The following KLF8 variants were observed in gnomAD, a reference collection of about 807,000 sequenced individuals.
KLF8 encodes the protein Krueppel-like factor 8.
In KLF8, 10 loss-of-function variants were observed where a neutral mutation model predicts 18.2. The ratio of observed to expected loss-of-function variants is 0.55; its 90% CI spans 0.34 to 0.93. The LOEUF (loss-of-function observed/expected upper bound fraction) is 0.93. Ranked by LOEUF, KLF8 falls within the 40% of genes least tolerant of loss-of-function variation. The probability of loss-of-function intolerance (pLI) is 0.02; values close to 1 mark genes in which losing one functional copy is unlikely to be tolerated. For missense variants in KLF8, 264 were observed against 277.9 expected, an observed-to-expected ratio of 0.95 and a Z score of 0.36; for synonymous variants, 109 against 97.3, an observed-to-expected ratio of 1.12 and a Z score of -0.71.
chrX:56,157,425 A>G, the KLF8 span, among the ~76,000 whole-genome samples: 1 of 111,121 alleles, frequency 9.0e-6, no homozygotes, highest in Non-Finnish European at 1.9e-5. Context: ...TGGCTGGGTC[A>G]AATAGTATTT....
chrX:56,051,664 G>C, the KLF8 span, among the ~76,000 whole-genome samples: 32 of 110,619 alleles, frequency 2.9e-4, no homozygotes, highest in Non-Finnish European at 4.7e-4. Flanking sequence ...GCTTCCCTTT[G>C]AGGGTAACCC....
At chrX:56,029,957 A>G in the KLF8 span, among the ~76,000 whole-genome samples, 1 of 112,120 alleles carries the variant, frequency 8.9e-6, no homozygotes, top group East Asian at 2.8e-4. Flanking sequence ...TAACTGCGAG[A>G]TATTCATTCC....
At chrX:56,184,109 C>G in the KLF8 span, among the ~76,000 whole-genome samples, 1 of 112,489 alleles carries the variant, frequency 8.9e-6, no homozygotes, top group South Asian at 3.7e-4. Flanking sequence ...AGGGAGTTCC[C>G]TTTCCTAGTC....
At chrX:56,213,703 ACAT>A in the KLF8 span, among the ~76,000 whole-genome samples, 1 of 111,226 alleles carries the variant, frequency 9.0e-6, no homozygotes, top group African/African-American at 3.3e-5. Flanking sequence ...TATTAAGACA[ACAT>A]CTGGTGGGGG....
At chrX:56,075,036 T>C in the KLF8 span, among the ~76,000 whole-genome samples, 51 of 111,077 alleles carry the variant, frequency 4.6e-4, no homozygotes, top group African/African-American at 1.6e-3. Context: ...ATGCAATGTA[T>C]AATAATCACA....
the KLF8 span, among the ~76,000 whole-genome samples, chrX:56,101,138 T>C: frequency 9.0e-6 from 1 of 111,301 alleles, no homozygotes; most frequent in African/African-American, 3.3e-5. Flanking sequence ...TTTCCTCTAG[T>C]AGTCTCCAGT....
the KLF8 span, among the ~76,000 whole-genome samples, chrX:55,918,684 A>G: frequency 9.1e-6 from 1 of 109,999 alleles, no homozygotes; most frequent in African/African-American, 3.3e-5. Context: ...TGGCAGTATA[A>G]CTCTAATTTC....
At chrX:56,151,503 T>G in the KLF8 span, among the ~76,000 whole-genome samples, 2 of 110,059 alleles carry the variant, frequency 1.8e-5, no homozygotes, top group East Asian at 5.8e-4. Context: ...TGGATAGGGG[T>G]GGTAGGAAGT....
chrX:56,039,553 A>C, the KLF8 span, among the ~76,000 whole-genome samples: 1 of 111,386 alleles, frequency 9.0e-6, no homozygotes, highest in African/African-American at 3.3e-5. Context: ...TATCTATTCT[A>C]TTCCAGAGTT....
chrX:56,162,469 C>T, the KLF8 span, among the ~76,000 whole-genome samples: 78 of 111,869 alleles, frequency 7.0e-4, 1 homozygote, highest in African/African-American at 2.4e-3. Flanking sequence ...TCGGCAATGC[C>T]GGGAACCCCT....
At chrX:55,989,028 C>G in the KLF8 span, among the ~76,000 whole-genome samples, 1 of 111,708 alleles carries the variant, frequency 9.0e-6, no homozygotes, top group South Asian at 3.7e-4. Flanking sequence ...TATAAGAATG[C>G]TTGTGATTTT....
At chrX:56,222,771 C>T in the KLF8 span, among the ~76,000 whole-genome samples, 3 of 113,296 alleles carry the variant, frequency 2.6e-5, no homozygotes, top group South Asian at 7.1e-4. Context: ...GGCGAGAAAT[C>T]GAGCACAGCA....
chrX:55,936,726 T>G, the KLF8 span, among the ~76,000 whole-genome samples: 1 of 112,064 alleles, frequency 8.9e-6, no homozygotes, highest in Non-Finnish European at 1.9e-5. Context: ...ACCAGGAGAT[T>G]ATATCCTGCA....
chrX:55,969,685 C>T, the KLF8 span, among the ~76,000 whole-genome samples: 1 of 110,933 alleles, frequency 9.0e-6, no homozygotes, highest in Non-Finnish European at 1.9e-5. Context: ...ACTGACAAAC[C>T]TCTAGCCAGA....
At chrX:56,196,773 C>T in the KLF8 span, among the ~76,000 whole-genome samples, 1 of 111,885 alleles carries the variant, frequency 8.9e-6, no homozygotes, top group Non-Finnish European at 1.9e-5. Context: ...GAACTCTCCA[C>T]CCCAAATCAA....
At chrX:55,997,096 C>G in the KLF8 span, among the ~76,000 whole-genome samples, 1 of 111,679 alleles carries the variant, frequency 9.0e-6, no homozygotes, top group Non-Finnish European at 1.9e-5. Flanking sequence ...GGTAAAGGAG[C>G]TATGGTGGTT....
the KLF8 span, among the ~76,000 whole-genome samples, chrX:55,928,471 G>A: frequency 1.8e-5 from 2 of 110,743 alleles, no homozygotes; most frequent in South Asian, 3.9e-4. Context: ...CCATCAACCC[G>A]TCATCTACAT....
chrX:56,022,551 C>CAAAAAAAAAAAAAAAAAAAA, the KLF8 span, among the ~76,000 whole-genome samples: 2 of 27,310 alleles, frequency 7.3e-5, no homozygotes, highest in African/African-American at 1.0e-4. Context: ...TCTGTCTGAC[C>CAAAAAAAAAAAAAAAAAAAA]AAAAAAAAAA....
the KLF8 span, among the ~76,000 whole-genome samples, chrX:56,198,266 G>C: frequency 9.0e-6 from 1 of 111,638 alleles, no homozygotes; most frequent in East Asian, 2.8e-4. Context: ...AGAAATTAAG[G>C]GTATTCAATT....
Sources: gnomAD v4.1 joint callset for allele counts (sites outside exome capture counted in the v4.1 genomes callset) on GRCh38, gnomAD v4.1.1 for gene constraint, MANE v1.5 for transcripts, NCBI Gene and HGNC (gene_info 2026-07-23, HGNC 2026-07-21) for gene names.